The following BIRC6 variants were observed in gnomAD, a reference collection of about 807,000 sequenced individuals.
BIRC6 encodes baculoviral IAP repeat containing 6, also known as dual E2 ubiquitin-conjugating enzyme/E3 ubiquitin-protein ligase BIRC6.
In BIRC6, 98 loss-of-function variants were observed where a neutral mutation model predicts 503.3. The observed-to-expected ratio is 0.19, with a 90% CI of 0.17 to 0.23. BIRC6 has a LOEUF of 0.23. Among genes scored for constraint, BIRC6 ranks in the 10% least tolerant of loss-of-function variants. The probability of loss-of-function intolerance (pLI) is 1.00; values close to 1 mark genes in which losing one functional copy is unlikely to be tolerated. For synonymous variants in BIRC6, 2,240 were observed against 2,078.7 expected, an observed-to-expected ratio of 1.08 and a Z score of -2.11; for missense variants, 5,360 against 5,806.0, an observed-to-expected ratio of 0.92 and a Z score of 2.50.
At chr2:32,518,516 C>G (rs1315545329) in intron 56 of BIRC6, 119 bp downstream of exon 56, 2 of 1,031,314 alleles carry the variant, frequency 1.9e-6, no homozygotes, top group Non-Finnish European at 2.8e-6. Flanking sequence ...ACTAGCACAG[C>G]CTTTATACCT....
intron 66 of BIRC6, among the ~76,000 whole-genome samples, chr2:32,583,504 T>C (rs1366448845): frequency 1.3e-5 from 2 of 152,342 alleles, no homozygotes; most frequent in East Asian, 3.9e-4. Flanking sequence ...ATAGCATTCC[T>C]TCTGGAGGAA....
chr2:32,502,937 T>G (rs1260449689), intron 48 of BIRC6, 46 bp downstream of exon 48: 1 of 1,548,582 alleles, frequency 6.5e-7, no homozygotes, highest in Non-Finnish European at 8.8e-7. Context: ...AGTTATGTGA[T>G]AGTATGTTAC....
intron 54 of BIRC6, 52 bp from the exon 55 acceptor site, chr2:32,514,938 T>A: frequency 7.2e-7 from 1 of 1,385,080 alleles, no homozygotes. Context: ...TTTGAAATAG[T>A]TTCTTCTAAA....
Position 32,593,991 on chromosome 2 carries a change from G to T in BIRC6, c.13432G>T (p.Val4478Leu). The T allele has an allele frequency of 6.2e-7, 1 of 1,613,624 alleles. No individual in the cohort carries two copies. The highest frequency in any genetic ancestry group is 8.5e-7 in the Non-Finnish European group (1 of 1,179,666). Residue 4478 changes from valine (V) to leucine (L), a missense_variant, in exon 67 of 74, where the codon GTA becomes TTA. Physicochemically the swap from Val to Leu is conservative, Grantham distance 32. Transcript: ENST00000421745. The stretch of plus-strand genomic sequence containing the variant: ...AGAACCAGAAGGACTTACTCTTTTG[G>T]TACCAGACATCCAAAAGACTGCTGA... ...DQEPEGLTLL[V>L]PDIQKTAEIV...
chr2:32,366,298 T>C (rs556661415), intron 1 of BIRC6, among the ~76,000 whole-genome samples: 1 of 152,348 alleles, frequency 6.6e-6, no homozygotes, highest in South Asian at 2.1e-4. Context: ...AACAGATTAG[T>C]TAATGCTTTT....
chr2:32,381,020 C>A (rs1002207139), intron 3 of BIRC6, among the ~76,000 whole-genome samples: 2 of 152,058 alleles, frequency 1.3e-5, no homozygotes, highest in Admixed American at 1.3e-4. Context: ...TCAATTAAAT[C>A]CTTGGGTATA....
chr2:32,498,853 A>G (rs1459528230), intron 45 of BIRC6, among the ~76,000 whole-genome samples: 1 of 152,170 alleles, frequency 6.6e-6, no homozygotes, highest in Non-Finnish European at 1.5e-5. Context: ...AGCTGGAATT[A>G]ACAGTCACAT....
At chr2:32,422,343 T>C (rs1419265006) in intron 10 of BIRC6, among the ~76,000 whole-genome samples, 1 of 152,354 alleles carries the variant, frequency 6.6e-6, no homozygotes, top group East Asian at 1.9e-4. Context: ...TTACATTCCT[T>C]TGTTACTCCT....
intron 47 of BIRC6, among the ~76,000 whole-genome samples, chr2:32,502,577 T>G (rs1027250020): frequency 2.6e-5 from 4 of 152,194 alleles, no homozygotes; most frequent in African/African-American, 4.8e-5. Context: ...AAGATAATAA[T>G]GGATGAAGAC....
chr2:32,394,418 A>G (rs927994008), intron 5 of BIRC6, among the ~76,000 whole-genome samples: 3 of 152,194 alleles, frequency 2.0e-5, no homozygotes, highest in Non-Finnish European at 4.4e-5. Flanking sequence ...ATTGAAATAT[A>G]TATAGCATTT....
At chr2:32,489,900 T>C in intron 42 of BIRC6, 141 bp from the exon 43 acceptor site, 1 of 606,546 alleles carries the variant, frequency 1.6e-6, no homozygotes, top group South Asian at 2.1e-5. Context: ...GAGAATTCCT[T>C]TTATTTGCAT....
Position 32,545,827 on chromosome 2 carries a change from A to T in BIRC6, c.12777A>T (p.Pro4259=), listed in dbSNP as rs1167244507. 3 of 1,613,774 alleles carry T rather than the reference A, an allele frequency of 1.9e-6. No homozygotes were observed. The African/African-American group carries it at 4.0e-5, about 22-fold the overall frequency. Residue 4259 remains proline, a synonymous_variant, in exon 63 of 74, where the codon CCA becomes CCT. Coordinates refer to ENST00000421745, the MANE Select transcript of BIRC6 (RefSeq NM_016252.4). ...TCTCTGCTTTGAGCCACCATTCCCC[A>T]CGAGTTCCAAACTCTAGCGTGAATC... ...VCLSALSHHS[P]RVPNSSVNQT...
intron 41 of BIRC6, 47 bp downstream of exon 41, chr2:32,487,848 C>T (rs774502343): frequency 2.7e-6 from 4 of 1,500,346 alleles, no homozygotes; most frequent in Non-Finnish European, 2.8e-6. Flanking sequence ...TATTGTTAGC[C>T]TGGTAAAAGA....
At chr2:32,559,760 C>A (rs897884021) in intron 65 of BIRC6, among the ~76,000 whole-genome samples, 23 of 151,902 alleles carry the variant, frequency 1.5e-4, no homozygotes, top group African/African-American at 5.1e-4. Flanking sequence ...GTGGCTCACA[C>A]CTGTAATCCC....
Position 32,441,436 on chromosome 2 carries a change from T to G in BIRC6, c.3918T>G (p.Phe1306Leu), listed in dbSNP as rs1266115489. The change falls in exon 17 of 74, where the codon TTT (phenylalanine) becomes TTG (leucine). Residue 1306 changes from phenylalanine (F) to leucine (L), a missense_variant. Around this residue, in one of 16 missense-constraint regions of BIRC6, gnomAD observed 2,299 missense variants for 2,267.2 expected, o/e 1.01. Transcript: ENST00000421745. ...LQEVSVTIRRFKKTSISKERV... is the reference protein window; with the variant it reads ...LQEVSVTIRRLKKTSISKERV... ...AGGTCTCAGTCACCATTCGAAGATT[T>G]AAGAAAACCTCAATTTCTAAGGAAA... 6.2e-7 allele frequency: 1 copy of G among 1,609,860 alleles called. No homozygotes were observed. Among genetic ancestry groups the G allele is most frequent in the Admixed American group, 1.7e-5 (1 of 59,628 alleles).
intron 57 of BIRC6, among the ~76,000 whole-genome samples, chr2:32,520,479 C>T (rs1442041905): frequency 6.6e-6 from 1 of 151,954 alleles, no homozygotes; most frequent in Non-Finnish European, 1.5e-5. Context: ...TATCAGTTTC[C>T]TGAAATTGTC....
chr2:32,578,920 G>A (rs1573148276), intron 66 of BIRC6, among the ~76,000 whole-genome samples: 1 of 135,738 alleles, frequency 7.4e-6, no homozygotes, highest in African/African-American at 2.8e-5. Flanking sequence ...ACATGTATTT[G>A]GTATGGTTCT....
intron 1 of BIRC6, among the ~76,000 whole-genome samples, chr2:32,375,375 G>C (rs1479511079): frequency 6.6e-6 from 1 of 152,010 alleles, no homozygotes; most frequent in East Asian, 1.9e-4. Flanking sequence ...TAAGTATGTT[G>C]ACATGCCAGG....
At chr2:32,461,984 C>T (rs142378972) in intron 23 of BIRC6, among the ~76,000 whole-genome samples, 1 of 151,986 alleles carries the variant, frequency 6.6e-6, no homozygotes, top group African/African-American at 2.4e-5. Context: ...GGTTCTGATC[C>T]TAGTTCTACT....
Sources: gnomAD v4.1 joint callset for allele counts (sites outside exome capture counted in the v4.1 genomes callset) on GRCh38, gnomAD v4.1.1 for gene constraint, gnomAD v4.1.1 regional missense constraint, MANE v1.5 for transcripts, NCBI Gene and HGNC (gene_info 2026-07-23, HGNC 2026-07-21) for gene names.